OLFM4: variants seen among roughly 807,000 people sequenced by gnomAD.
OLFM4 encodes olfactomedin-4.
OLFM4 carries 22 observed loss-of-function variants against 25.5 expected under a neutral mutation model. The observed-to-expected ratio is 0.86, with a 90% confidence interval of 0.62 to 1.23. The LOEUF (loss-of-function observed/expected upper bound fraction) is 1.23. Ranked by LOEUF, OLFM4 falls within the 50% of genes most tolerant of loss-of-function variation. OLFM4 has a pLI of 0.00. For synonymous variants in OLFM4, 255 were observed against 237.7 expected, an observed-to-expected ratio of 1.07 and a Z score of -0.67; for missense variants, 594 against 619.4, an observed-to-expected ratio of 0.96 and a Z score of 0.44.
rs114093768 is a variant in OLFM4, at chr13:53,036,799, A to G, written c.357+2299A>G. On this transcript the variant is annotated intron_variant, in intron 2 of 4. Transcript: ENST00000219022. ...AGTAACCCTTTAAGGCAGATAGGCCAGGTGTTGTCTCTCCCATTTTAGAGA... is the reference window on the plus strand; with the variant it reads ...AGTAACCCTTTAAGGCAGATAGGCCGGGTGTTGTCTCTCCCATTTTAGAGA... Among the ~76,000 whole-genome samples the G allele has an allele frequency of 5.6e-3, 858 of 152,358 alleles. 5 individuals carry two copies. The highest frequency in any genetic ancestry group is 0.019 in the African/African-American group (803 of 41,590).
At chr13:53,035,410 G>GA (rs1954653385) in intron 2 of OLFM4, among the ~76,000 whole-genome samples, 2 of 152,044 alleles carry the variant, frequency 1.3e-5, no homozygotes, top group South Asian at 4.2e-4. Context: ...TCACATCATG[G>GA]AAAATGGAGT....
chr13:53,050,266 A>G lies in OLFM4; in HGVS notation c.1028A>G (p.Tyr343Cys). 1 of 1,614,098 alleles carries G rather than the reference A, an allele frequency of 6.2e-7. No homozygotes were observed. The highest frequency in any genetic ancestry group is 8.5e-7 in the Non-Finnish European group (1 of 1,179,970). The change falls in exon 5 of 5, where the codon TAC (tyrosine) becomes TGC (cysteine). Residue 343 changes from tyrosine (Y) to cysteine (C), a missense_variant. Coordinates refer to ENST00000219022, the MANE Select transcript of OLFM4 (RefSeq NM_006418.5). ...VYNNNMYVNMYNTGNIARVNL... is the reference protein window; with the variant it reads ...VYNNNMYVNMCNTGNIARVNL... The stretch of plus-strand genomic sequence containing the variant: ...AACAACAACATGTACGTCAACATGT[A>G]CAACACCGGGAATATTGCCAGAGTT...
rs191912866 is a variant in OLFM4, at chr13:53,041,118, T to C, written c.358-792T>C. 2.0e-4 allele frequency among the ~76,000 whole-genome samples: 30 copies of C among 152,304 alleles called. 1 individual carries two copies. The highest frequency in any genetic ancestry group is 2.0e-3 in the Admixed American group (30 of 15,292). ...TTATTCAACCTAGCAATCCCTTTAC[T>C]GGGTATATGCCCAAAGGAATATAAA... is the stretch of plus-strand genomic sequence containing the variant. On this transcript the variant is annotated intron_variant, in intron 2 of 4. Transcript: ENST00000219022.
At chr13:53,034,521 C>T in intron 2 of OLFM4, 21 bp downstream of exon 2, 2 of 1,585,694 alleles carry the variant, frequency 1.3e-6, no homozygotes, top group Non-Finnish European at 1.7e-6. Context: ...TCTTTTCAAA[C>T]AATATCTTGA....
intron 4 of OLFM4, among the ~76,000 whole-genome samples, chr13:53,044,209 G>A (rs117147766): frequency 1.5e-3 from 225 of 152,234 alleles, no homozygotes; most frequent in Admixed American, 3.3e-3. Context: ...TGAAGCGAAA[G>A]CCTTGCAGCA....
At chr13:53,037,444 C>G (rs1404391454) in intron 2 of OLFM4, among the ~76,000 whole-genome samples, 2 of 152,094 alleles carry the variant, frequency 1.3e-5, no homozygotes, top group Non-Finnish European at 2.9e-5. Context: ...ATTGATTGAG[C>G]CGTATTTGTA....
chr13:53,043,172 G>T lies in OLFM4; in HGVS notation c.638G>T (p.Arg213Leu), dbSNP rs761937884. The change falls in exon 4 of 5, where the codon CGC becomes CTC. Residue 213 changes from arginine (R) to leucine (L), a missense_variant. Physicochemically the swap from Arg to Leu is moderately radical, Grantham distance 102 (BLOSUM62 -2). Transcript: ENST00000219022. ...GACAAAAACAATGTCCTTGCCATTC[G>T]CCGAGAAATCGTGGCTCTGAAGACC... is the stretch of plus-strand genomic sequence containing the variant. ...TLDKNNVLAI[R>L]REIVALKTKL... is the part of the protein sequence containing the mutation. 3.7e-6 allele frequency: 6 copies of T among 1,613,266 alleles called. No homozygotes were observed. The highest frequency in any genetic ancestry group is 2.2e-5 in the East Asian group (1 of 44,860).
chr13:53,043,371 GTTTTT>G (rs35795840), intron 4 of OLFM4, 107 bp downstream of exon 4: 8 of 303,988 alleles, frequency 2.6e-5, no homozygotes, highest in South Asian at 1.2e-4. Context: ...AAGGTGGGTT[GTTTTT>G]TTTTTTTTTT....
intron 4 of OLFM4, 27 bp downstream of exon 4, chr13:53,043,291 T>G: frequency 6.4e-7 from 1 of 1,572,132 alleles, no homozygotes; most frequent in Non-Finnish European, 8.6e-7. Flanking sequence ...TTTTAACCAC[T>G]TGTGCCAGAC....
chr13:53,029,906 T>C (rs1954620225), intron 1 of OLFM4, among the ~76,000 whole-genome samples: 1 of 152,120 alleles, frequency 6.6e-6, no homozygotes, highest in Non-Finnish European at 1.5e-5. Context: ...CATGAGAGGT[T>C]AGGAGGTAAG....
chr13:53,040,052 T>C (rs1954679521), intron 2 of OLFM4, among the ~76,000 whole-genome samples: 1 of 152,196 alleles, frequency 6.6e-6, no homozygotes, highest in Admixed American at 6.5e-5. Context: ...CTACTTGATA[T>C]TAGTGTAGTT....
At chr13:53,047,260 C>G (rs529148268) in intron 4 of OLFM4, among the ~76,000 whole-genome samples, 38 of 152,024 alleles carry the variant, frequency 2.5e-4, no homozygotes, top group Non-Finnish European at 5.3e-4. Context: ...TGGCAAGGAG[C>G]ATGAGATAAG....
In OLFM4 at chr13:53,051,331, A is replaced by G. The variant is rs980771167; in HGVS notation, c.*560A>G. ...TAAATTTGGCATGCTTATATATTCT[A>G]CATCTGTAAAGTGCTGAGTTTTATG... On this transcript the variant is annotated 3_prime_UTR_variant, in exon 5 of 5. Transcript: ENST00000219022. 2.6e-5 allele frequency: 4 copies of G among 152,242 alleles called. No homozygotes were observed. The highest frequency in any genetic ancestry group is 4.4e-5 in the Non-Finnish European group (3 of 68,104). The allele number at this position is 152,242 out of a possible 1,614,324, so 9.4% of individuals were successfully genotyped here. A position where few individuals can be genotyped will look rare whatever the true frequency, so the allele number is the denominator to read the frequency against.
rs773266373 is a variant in OLFM4 at position 53,050,708 on chromosome 13, TTA to T, written c.1472_1473del (p.Tyr491CysfsTer3). ...ACTATAACCCTTTTGACCAGAAACT[TTA>T]TGTCTATAACGATGGTTACCTTCTG... ...INYNPFDQKLYVYNDGYLLNY... is the reference protein window; with the variant it reads ...INYNPFDQKLXVYNDGYLLNY... On this transcript the variant is annotated frameshift_variant, in exon 5 of 5. Coordinates refer to ENST00000219022, the MANE Select transcript of OLFM4 (RefSeq NM_006418.5). LOFTEE classifies it high-confidence loss of function. The T allele has an allele frequency of 1.2e-6, 2 of 1,613,318 alleles. No homozygotes were observed. Among genetic ancestry groups the T allele is most frequent in the South Asian group, 2.2e-5 (2 of 90,908 alleles).
intron 2 of OLFM4, 126 bp from the exon 3 acceptor site, chr13:53,041,784 C>T (rs1055758083): frequency 1.4e-5 from 9 of 631,802 alleles, no homozygotes; most frequent in African/African-American, 5.5e-5. Context: ...TATTTTTGAT[C>T]TATTTATTTA....
chr13:53,034,348 T>C lies in OLFM4; in HGVS notation c.205T>C (p.Leu69=), dbSNP rs576424979. The C allele has an allele frequency of 6.2e-7, 1 of 1,606,144 alleles. No homozygotes were observed. Among genetic ancestry groups the C allele is most frequent in the South Asian group, 1.1e-5 (1 of 88,358 alleles). Residue 69 remains leucine, a splice_region_variant and synonymous_variant, in exon 2 of 5, where the codon TTG becomes CTG. Coordinates refer to ENST00000219022, the MANE Select transcript of OLFM4 (RefSeq NM_006418.5). ...ATGTTCAACTTGTTATTATTTGCAG[T>C]TGTTTTCCAATTTCACCGGCTCCGT... ...SLGSGGSVSQ[L]FSNFTGSVDD...
intron 2 of OLFM4, among the ~76,000 whole-genome samples, chr13:53,036,286 A>C (rs17053703): frequency 2.0e-5 from 3 of 152,194 alleles, no homozygotes; most frequent in African/African-American, 4.8e-5. Flanking sequence ...GCCTTATTCC[A>C]GCATAATCAA....
intron 1 of OLFM4, among the ~76,000 whole-genome samples, chr13:53,032,405 G>A (rs1248683625): frequency 2.0e-5 from 3 of 152,084 alleles, no homozygotes; most frequent in Non-Finnish European, 4.4e-5. Flanking sequence ...TGATATGTCG[G>A]TCTTTTCTGT....
chr13:53,047,964 G>A (rs2138242273), intron 4 of OLFM4, among the ~76,000 whole-genome samples: 1 of 152,104 alleles, frequency 6.6e-6, no homozygotes, highest in Non-Finnish European at 1.5e-5. Flanking sequence ...AACAATTATT[G>A]TCTTCCAACC....
Sources: gnomAD v4.1 joint callset for allele counts (sites outside exome capture counted in the v4.1 genomes callset) on GRCh38, gnomAD v4.1.1 for gene constraint, MANE v1.5 for transcripts, NCBI Gene and HGNC (gene_info 2026-07-23, HGNC 2026-07-21) for gene names.